The following GRHL2 variants were observed in gnomAD, a reference collection of about 807,000 sequenced individuals.
GRHL2 encodes grainyhead like transcription factor 2.
In GRHL2, 21 loss-of-function variants were observed where a neutral mutation model predicts 83.8. The observed-to-expected ratio is 0.25, with a 90% CI of 0.18 to 0.36. GRHL2 has a LOEUF of 0.36. Ranked by LOEUF, GRHL2 falls within the 10% of genes least tolerant of loss-of-function variation. The probability of loss-of-function intolerance (pLI) is 1.00; values close to 1 mark genes in which losing one functional copy is unlikely to be tolerated. For synonymous variants in GRHL2, 280 were observed against 278.9 expected (o/e 1.00, Z -0.04); for missense variants, 623 against 781.8 (o/e 0.80, Z 2.42).
At chr8:101,576,301 C>T in intron 6 of GRHL2, among the ~76,000 whole-genome samples, 1 of 152,278 alleles carries the variant, frequency 6.6e-6, no homozygotes, top group East Asian at 1.9e-4. Flanking sequence ...GAAGCCTCAA[C>T]CTCCCAAGCT....
chr8:101,535,626 C>A (rs372186525), intron 1 of GRHL2, among the ~76,000 whole-genome samples: 2 of 152,086 alleles, frequency 1.3e-5, no homozygotes, highest in South Asian at 2.1e-4. Context: ...ACAGCCTCCG[C>A]CTCCCAGGTT....
At chr8:101,571,218 G>A (rs1009056636) in intron 5 of GRHL2, among the ~76,000 whole-genome samples, 11 of 152,168 alleles carry the variant, frequency 7.2e-5, no homozygotes, top group Non-Finnish European at 2.9e-5. Context: ...TGGGGTTGAG[G>A]GCAAATATTC....
intron 1 of GRHL2, among the ~76,000 whole-genome samples, chr8:101,511,484 A>G (rs1810464011): frequency 6.6e-6 from 1 of 152,102 alleles, no homozygotes; most frequent in African/African-American, 2.4e-5. Context: ...AGTAGCTGGG[A>G]CTACAGGCGT....
At chr8:101,499,651 A>T (rs1376228795) in intron 1 of GRHL2, among the ~76,000 whole-genome samples, 1 of 152,186 alleles carries the variant, frequency 6.6e-6, no homozygotes, top group Admixed American at 6.5e-5. Context: ...CCTTGGAAAA[A>T]TTTGAAGTCA....
intron 1 of GRHL2, among the ~76,000 whole-genome samples, chr8:101,517,102 G>T (rs567567456): frequency 6.6e-6 from 1 of 152,066 alleles, no homozygotes; most frequent in East Asian, 1.9e-4. Context: ...CCGTCGCTTT[G>T]GCTCTTCACA....
In GRHL2 at chr8:101,636,916, A is replaced by T; in HGVS notation, c.1505A>T (p.Asp502Val). ...RTGQVYYNTDDEREGGSVLVK... is the reference protein window; with the variant it reads ...RTGQVYYNTDVEREGGSVLVK... ...CCACAGGTGTATTACAACACGGATGATGAACGAGAAGGGTAAGACACTCAG... is the reference window on the plus strand; with the variant it reads ...CCACAGGTGTATTACAACACGGATGTTGAACGAGAAGGGTAAGACACTCAG... The change falls in exon 12 of 16, where the codon GAT becomes GTT. Residue 502 changes from aspartate to valine, a missense_variant. Physicochemically the swap from Asp to Val is radical, Grantham distance 152 (BLOSUM62 -3). This residue lies in a region of GRHL2 where 210 missense variants were observed against 254.8 expected (regional missense o/e 0.82). Transcript: ENST00000646743. The T allele has an allele frequency of 6.2e-7, 1 of 1,613,856 alleles. No individual in the cohort carries two copies. Among genetic ancestry groups the T allele is most frequent in the Non-Finnish European group, 8.5e-7 (1 of 1,179,750 alleles).
chr8:101,568,989 T>C (rs1262687538), intron 4 of GRHL2, among the ~76,000 whole-genome samples: 1 of 152,100 alleles, frequency 6.6e-6, no homozygotes, highest in East Asian at 1.9e-4. Flanking sequence ...GTTTGGAAAA[T>C]AGCTGTGGTA....
chr8:101,557,542 C>A (rs778218166), intron 3 of GRHL2, among the ~76,000 whole-genome samples: 10 of 152,018 alleles, frequency 6.6e-5, no homozygotes, highest in Admixed American at 6.5e-4. Context: ...TCCTTAATAT[C>A]GCCAAATCCC....
At chr8:101,586,265 G>A (rs566747113) in intron 7 of GRHL2, among the ~76,000 whole-genome samples, 5 of 151,840 alleles carry the variant, frequency 3.3e-5, no homozygotes, top group Non-Finnish European at 7.4e-5. Flanking sequence ...CTTCCTGCCC[G>A]ACATCTTAAA....
At chr8:101,659,690 T>G (rs1041760700) in intron 14 of GRHL2, among the ~76,000 whole-genome samples, 1 of 152,148 alleles carries the variant, frequency 6.6e-6, no homozygotes, top group Admixed American at 6.5e-5. Flanking sequence ...CCAGGAGACA[T>G]GACAAACAGT....
chr8:101,522,214 T>C (rs1424223964), intron 1 of GRHL2, among the ~76,000 whole-genome samples: 3 of 152,146 alleles, frequency 2.0e-5, no homozygotes, highest in African/African-American at 7.2e-5. Context: ...AGTTGGTTCT[T>C]CATATCCAAG....
intron 1 of GRHL2, among the ~76,000 whole-genome samples, chr8:101,524,848 C>A (rs1586419475): frequency 6.6e-6 from 1 of 151,774 alleles, no homozygotes; most frequent in East Asian, 1.9e-4. Context: ...TAGGGTTAAC[C>A]CATTTTCATA....
chr8:101,678,835 G>C, the GRHL2 span, among the ~76,000 whole-genome samples: 1 of 150,146 alleles, frequency 6.7e-6, no homozygotes, highest in Non-Finnish European at 1.5e-5. Context: ...CACATGGCAG[G>C]GTATTCCAAC....
At chr8:101,592,908 C>T (rs1812317022) in intron 7 of GRHL2, among the ~76,000 whole-genome samples, 1 of 152,140 alleles carries the variant, frequency 6.6e-6, no homozygotes, top group Non-Finnish European at 1.5e-5. Flanking sequence ...ATTCTTATTT[C>T]GTTAGAAAGA....
chr8:101,649,089 A>C (rs1813569611), intron 13 of GRHL2, among the ~76,000 whole-genome samples: 1 of 152,248 alleles, frequency 6.6e-6, no homozygotes, highest in Non-Finnish European at 1.5e-5. Flanking sequence ...TCAAAGGAAC[A>C]AATAACACAG....
chr8:101,652,547 G>GTGTGTGTGGTGTGTGTGTGGTAT (rs1813685026), intron 14 of GRHL2, among the ~76,000 whole-genome samples: 5 of 50,362 alleles, frequency 9.9e-5, no homozygotes, highest in African/African-American at 9.0e-4. Context: ...GTGTGTGTGT[G>GTGTGTGTGGTGTGTGTGTGGTAT]GTGTGTATGT....
intron 1 of GRHL2, among the ~76,000 whole-genome samples, chr8:101,542,338 G>T (rs1054073709): frequency 2.6e-5 from 4 of 152,074 alleles, no homozygotes; most frequent in African/African-American, 9.7e-5. Flanking sequence ...CACTCTGGGA[G>T]GCCCAGGCAC....
chr8:101,601,581 C>G (rs1406441333), intron 8 of GRHL2, among the ~76,000 whole-genome samples: 1 of 152,158 alleles, frequency 6.6e-6, no homozygotes, highest in African/African-American at 2.4e-5. Context: ...ATGCATGTTG[C>G]TCAGAGCAGT....
chr8:101,493,614 C>T (rs1810022184), intron 1 of GRHL2, among the ~76,000 whole-genome samples: 1 of 152,154 alleles, frequency 6.6e-6, no homozygotes, highest in Admixed American at 6.5e-5. Context: ...ACGGCGTCTG[C>T]ACGCCCCTCG....
Sources: gnomAD v4.1 joint callset for allele counts (sites outside exome capture counted in the v4.1 genomes callset) on GRCh38, gnomAD v4.1.1 for gene constraint, gnomAD v4.1.1 regional missense constraint, MANE v1.5 for transcripts, NCBI Gene and HGNC (gene_info 2026-07-23, HGNC 2026-07-21) for gene names.